PTK2: variants seen among roughly 807,000 people sequenced by gnomAD.
PTK2 encodes the protein focal adhesion kinase 1.
In PTK2, 45 loss-of-function variants were observed where a neutral mutation model predicts 150.1. The observed-to-expected ratio is 0.30, with a 90% CI of 0.24 to 0.38. The LOEUF (loss-of-function observed/expected upper bound fraction) is 0.38, where lower values mean the gene tolerates loss of function less well. PTK2 is among the 10% of genes least tolerant of loss of function. The pLI is 1.00. For missense variants in PTK2, 919 were observed against 1,307.3 expected (o/e 0.70, Z 4.58); for synonymous variants, 432 against 449.2 (o/e 0.96, Z 0.48).
At chr8:140,815,572 T>TA (rs2100104225) in intron 10 of PTK2, among the ~76,000 whole-genome samples, 1 of 151,780 alleles carries the variant, frequency 6.6e-6, no homozygotes. Context: ...AAAAGTTTTT[T>TA]TAAAAAAAAA....
At chr8:140,818,757 TATC>T in intron 9 of PTK2, 120 bp downstream of exon 9, 2 of 1,113,514 alleles carry the variant, frequency 1.8e-6, no homozygotes, top group Non-Finnish European at 2.6e-6. Context: ...AATGAAAAAA[TATC>T]ATTTTATTGA....
chr8:140,864,349 G>A (rs878943368), exon 5 of PTK2: 8 of 1,601,540 alleles, frequency 5.0e-6, no homozygotes, highest in South Asian at 1.1e-5. Context: ...CTTATCTTCA[G>A]TAAACTGGTT....
intron 1 of PTK2, among the ~76,000 whole-genome samples, chr8:140,949,439 G>A (rs548359588): frequency 1.9e-4 from 29 of 152,290 alleles, no homozygotes; most frequent in Non-Finnish European, 3.5e-4. Flanking sequence ...TCCTAGCCTC[G>A]GCTCCGGAGC....
chr8:140,658,794 GA>G (rs1170400704), exon 32 of PTK2: 2 of 225,000 alleles, frequency 8.9e-6, no homozygotes, highest in East Asian at 1.3e-4. Context: ...ATTATTCTGT[GA>G]AAAAAGACAT....
At chr8:140,974,561 G>A (rs2100188572) in intron 1 of PTK2, among the ~76,000 whole-genome samples, 1 of 152,208 alleles carries the variant, frequency 6.6e-6, no homozygotes, top group African/African-American at 2.4e-5. Flanking sequence ...TTAGAAAACA[G>A]TTGCATGTGT....
intron 5 of PTK2, 48 bp downstream of exon 5, chr8:140,864,264 G>T: frequency 9.1e-7 from 1 of 1,093,426 alleles, no homozygotes; most frequent in Non-Finnish European, 1.3e-6. Context: ...GCAATAAATA[G>T]GATTCAAAGA....
chr8:140,840,144 A>G (rs547897256), intron 7 of PTK2, among the ~76,000 whole-genome samples: 23 of 152,304 alleles, frequency 1.5e-4, no homozygotes, highest in African/African-American at 5.3e-4. Context: ...CTGCAGCCAC[A>G]ACAAGCTGGG....
At chr8:140,909,466 T>C (rs944868971) in intron 2 of PTK2, 1 of 152,170 alleles carries the variant, frequency 6.6e-6, no homozygotes, top group South Asian at 2.1e-4. Context: ...TGGAGAAGGT[T>C]AGAAATTTTA....
At chr8:140,812,533 A>T (rs1268299087) in intron 10 of PTK2, among the ~76,000 whole-genome samples, 1 of 152,234 alleles carries the variant, frequency 6.6e-6, no homozygotes, top group South Asian at 2.1e-4. Context: ...AAATCCACAC[A>T]TATCAATACT....
At chr8:140,689,125 A>G (rs1365591746) in intron 26 of PTK2, among the ~76,000 whole-genome samples, 2 of 152,210 alleles carry the variant, frequency 1.3e-5, no homozygotes, top group East Asian at 1.9e-4. Context: ...CACGTAATAC[A>G]TTGATTCCAA....
chr8:140,730,958 C>CG (rs2100048881), intron 22 of PTK2, among the ~76,000 whole-genome samples: 2 of 141,130 alleles, frequency 1.4e-5, no homozygotes, highest in South Asian at 2.6e-4. Context: ...ATTAAACCCC[C>CG]CCCCCCCTTT....
intron 7 of PTK2, among the ~76,000 whole-genome samples, chr8:140,844,638 A>T (rs887543018): frequency 6.6e-6 from 1 of 152,052 alleles, no homozygotes; most frequent in Admixed American, 6.5e-5. Context: ...CTGGCACTAC[A>T]AGCTGCTCTA....
rs2100165517 is a variant in PTK2 at position 140,917,015 on chromosome 8, T to C, written c.-33+8646A>G. Among the ~76,000 whole-genome samples, 3 of 152,368 alleles carry C rather than the reference T, an allele frequency of 2.0e-5. No individual in the cohort carries two copies. The South Asian group carries it at 6.2e-4, about 32-fold the overall frequency. On this transcript the variant is annotated intron_variant, in intron 2 of 31. Coordinates refer to ENST00000522684, the Ensembl canonical transcript of PTK2. Reference sequence around the variant, plus strand: ...GCACAGAACACAGCATGGCATGTAGTATTTCTGAATAAATTTTAGCTATTA... The same window carrying C: ...GCACAGAACACAGCATGGCATGTAGCATTTCTGAATAAATTTTAGCTATTA...
intron 1 of PTK2, among the ~76,000 whole-genome samples, chr8:140,991,215 C>A (rs146761047): frequency 1.1e-3 from 164 of 152,310 alleles, no homozygotes; most frequent in East Asian, 4.6e-3. Context: ...TCAATTCACA[C>A]AATACAGCTT....
At chr8:140,732,748 C>T (rs2100050294) in intron 22 of PTK2, 1 of 317,004 alleles carries the variant, frequency 3.2e-6, no homozygotes. Context: ...ACACGGGTTG[C>T]AGCCATCTAT....
At chr8:140,673,826 GCT>G (rs1282073333) in intron 29 of PTK2, among the ~76,000 whole-genome samples, 1 of 152,138 alleles carries the variant, frequency 6.6e-6, no homozygotes, top group East Asian at 1.9e-4. Flanking sequence ...TTTGAGGATG[GCT>G]CTACTCAGCA....
chr8:140,732,417 G>A lies in PTK2; in HGVS notation c.2030+2834C>T, dbSNP rs1451530099. 7 of 415,618 alleles carry A rather than the reference G, an allele frequency of 1.7e-5. No homozygotes were observed. In the Admixed American group the frequency reaches 2.4e-4, roughly 14 times the overall value. 25.7% of individuals were successfully genotyped at this position (415,618 alleles called of 1,614,324 possible). On this transcript the variant is annotated intron_variant, in intron 22 of 31. Coordinates refer to ENST00000522684, the Ensembl canonical transcript of PTK2. ...ATATGTAGTTCTAAAAATATGTATT[G>A]GATACTTTTTGGAGATAATTTACCT...
chr8:140,829,202 G>A (rs962350389), intron 8 of PTK2, among the ~76,000 whole-genome samples: 3 of 152,160 alleles, frequency 2.0e-5, no homozygotes, highest in Non-Finnish European at 4.4e-5. Flanking sequence ...TGCATTTCTA[G>A]AATGCATTGT....
intron 28 of PTK2, 51 bp from the exon 32 acceptor site, chr8:140,674,455 A>G (rs751918500): frequency 2.7e-6 from 4 of 1,500,260 alleles, no homozygotes; most frequent in Non-Finnish European, 3.6e-6. Context: ...AGAAAGATTA[A>G]GAGGCTGGGG....
Sources: gnomAD v4.1 joint callset for allele counts (sites outside exome capture counted in the v4.1 genomes callset) on GRCh38, gnomAD v4.1.1 for gene constraint, MANE v1.5 for transcripts, NCBI Gene and HGNC (gene_info 2026-07-23, HGNC 2026-07-21) for gene names.